Variants in OXR1 observed in about 807,000 individuals in gnomAD.
The protein encoded by OXR1 is oxidation resistance 1.
OXR1 carries 41 observed loss-of-function variants against 104.6 expected under a neutral mutation model. The observed-to-expected ratio is 0.39, with a 90% CI of 0.31 to 0.51. OXR1 has a LOEUF of 0.51. Ranked by LOEUF, OXR1 falls within the 20% of genes least tolerant of loss-of-function variation. OXR1 has a pLI of 0.77. For missense variants in OXR1, 955 were observed against 1,031.9 expected (o/e 0.93, Z 1.02); for synonymous variants, 348 against 348.4 (o/e 1.00, Z 0.01).
At chr8:106,387,125 A>G (rs1817406848) in intron 2 of OXR1, among the ~76,000 whole-genome samples, 1 of 152,230 alleles carries the variant, frequency 6.6e-6, no homozygotes, top group Admixed American at 6.5e-5. Context: ...TTTTTAAAAA[A>G]TGAGAGTGAG....
chr8:106,438,839 A>AT (rs1378577684), intron 2 of OXR1, among the ~76,000 whole-genome samples: 1 of 152,048 alleles, frequency 6.6e-6, no homozygotes, highest in Non-Finnish European at 1.5e-5. Flanking sequence ...GCTTCCCATA[A>AT]TTTACTAGCC....
At chr8:106,657,578 G>A (rs1227887517) in intron 3 of OXR1, 1 of 154,218 alleles carries the variant, frequency 6.5e-6, no homozygotes, top group Non-Finnish European at 1.4e-5. Context: ...GGCGGGGAGG[G>A]GCTGGGCGGG....
At chr8:106,545,116 T>C (rs565552642) in intron 3 of OXR1, among the ~76,000 whole-genome samples, 7 of 152,232 alleles carry the variant, frequency 4.6e-5, no homozygotes, top group African/African-American at 1.7e-4. Context: ...CTGCTCCCAG[T>C]TGTGGCAACC....
At chr8:106,506,053 G>C (rs1032980148) in intron 2 of OXR1, among the ~76,000 whole-genome samples, 1 of 151,966 alleles carries the variant, frequency 6.6e-6, no homozygotes, top group Non-Finnish European at 1.5e-5. Flanking sequence ...TAATAGAAAG[G>C]GTTTATTGAT....
intron 16 of OXR1, among the ~76,000 whole-genome samples, chr8:106,750,041 A>G (rs1385194276): frequency 6.6e-6 from 1 of 152,038 alleles, no homozygotes; most frequent in Admixed American, 6.6e-5. Flanking sequence ...GTTATTTACT[A>G]GGTCCTTAAC....
At chr8:106,290,214 T>C (rs1047353348) in intron 1 of OXR1, among the ~76,000 whole-genome samples, 1 of 152,128 alleles carries the variant, frequency 6.6e-6, no homozygotes, top group African/African-American at 2.4e-5. Context: ...GGACTCCCTA[T>C]TCAATAAATG....
intron 3 of OXR1, among the ~76,000 whole-genome samples, chr8:106,622,453 GCACACACACACA>G (rs34839524): frequency 4.4e-5 from 6 of 136,276 alleles, no homozygotes; most frequent in African/African-American, 8.0e-5. Context: ...ATCACCCCCA[GCACACACACACA>G]CACACACACA....
chr8:106,423,491 A>G (rs759006156), intron 2 of OXR1, among the ~76,000 whole-genome samples: 56 of 152,206 alleles, frequency 3.7e-4, no homozygotes, highest in Non-Finnish European at 2.2e-4. Context: ...ATTTGAAAAA[A>G]ATAAATGGGC....
chr8:106,481,559 T>C (rs1822117876), intron 2 of OXR1, among the ~76,000 whole-genome samples: 1 of 152,070 alleles, frequency 6.6e-6, no homozygotes, highest in Non-Finnish European at 1.5e-5. Context: ...AGATGAAGCA[T>C]CTTTAAGCTA....
At chr8:106,721,614 A>T (rs1832828479) in intron 11 of OXR1, among the ~76,000 whole-genome samples, 1 of 152,212 alleles carries the variant, frequency 6.6e-6, no homozygotes, top group African/African-American at 2.4e-5. Flanking sequence ...CTTTTTAGGT[A>T]CATGACATTA....
chr8:106,321,505 AC>A (rs1814216209), intron 1 of OXR1, among the ~76,000 whole-genome samples: 1 of 152,162 alleles, frequency 6.6e-6, no homozygotes. Context: ...GGAGGAGGAC[AC>A]AGATGGGCCA....
chr8:106,636,910 A>G (rs1823190286), intron 3 of OXR1, among the ~76,000 whole-genome samples: 1 of 152,116 alleles, frequency 6.6e-6, no homozygotes. Flanking sequence ...AATTTTGTAG[A>G]TATTTGTTTG....
chr8:106,479,398 A>G (rs1586696239), intron 2 of OXR1, among the ~76,000 whole-genome samples: 1 of 152,156 alleles, frequency 6.6e-6, no homozygotes, highest in South Asian at 2.1e-4. Flanking sequence ...TGTCTCATCT[A>G]CCTAATAAGT....
rs146128013 is a variant in OXR1, at chr8:106,692,681, T to C, written c.526-47T>C. On this transcript the variant is annotated intron_variant, in intron 6 of 16. Transcript: ENST00000517566. ...CTTTTTAATAGTGTGCTCATTTTTATTTTGTTTTCTGCTTTTTTTTTTCTT... is the reference window on the plus strand; with the variant it reads ...CTTTTTAATAGTGTGCTCATTTTTACTTTGTTTTCTGCTTTTTTTTTTCTT... The C allele has an allele frequency of 2.4e-6, 3 of 1,273,876 alleles. No individual in the cohort carries two copies. In the African/African-American group the frequency reaches 4.5e-5, roughly 19 times the overall value. The allele number at this position is 1,273,876 out of a possible 1,614,324, so 78.9% of individuals were successfully genotyped here. A position where few individuals can be genotyped will look rare whatever the true frequency, so the allele number is the denominator to read the frequency against.
chr8:106,529,266 C>T (rs1018915628), intron 3 of OXR1, among the ~76,000 whole-genome samples: 5 of 152,254 alleles, frequency 3.3e-5, no homozygotes, highest in Admixed American at 1.3e-4. Context: ...TCTACATCTC[C>T]ATGTGCATGT....
intron 1 of OXR1, among the ~76,000 whole-genome samples, chr8:106,357,488 A>G (rs920685012): frequency 6.6e-6 from 1 of 152,170 alleles, no homozygotes; most frequent in Non-Finnish European, 1.5e-5. Flanking sequence ...GTCAGGGTCC[A>G]GCTAAAATTA....
At chr8:106,573,923 A>G (rs1563615348) in intron 3 of OXR1, among the ~76,000 whole-genome samples, 1 of 152,206 alleles carries the variant, frequency 6.6e-6, no homozygotes, top group Non-Finnish European at 1.5e-5. Flanking sequence ...TTCAAAAAAA[A>G]AAAGAAAGCA....
intron 3 of OXR1, among the ~76,000 whole-genome samples, chr8:106,603,217 T>G (rs1192646525): frequency 6.6e-6 from 1 of 152,202 alleles, no homozygotes; most frequent in East Asian, 1.9e-4. Flanking sequence ...TTAGTAAGAA[T>G]GATGCCATTA....
At chr8:106,647,890 A>G (rs886688688) in intron 3 of OXR1, among the ~76,000 whole-genome samples, 1 of 152,084 alleles carries the variant, frequency 6.6e-6, no homozygotes, top group Admixed American at 6.5e-5. Flanking sequence ...TCCAATTGTT[A>G]TTTTCTGAGT....
Sources: gnomAD v4.1 joint callset for allele counts (sites outside exome capture counted in the v4.1 genomes callset) on GRCh38, gnomAD v4.1.1 for gene constraint, MANE v1.5 for transcripts, NCBI Gene and HGNC (gene_info 2026-07-23, HGNC 2026-07-21) for gene names.